Variants in KCNT2 observed in about 807,000 individuals in gnomAD.
KCNT2 encodes potassium channel subfamily T member 2.
In KCNT2, 67 loss-of-function variants were observed where a neutral mutation model predicts 153.8. The observed-to-expected ratio is 0.44, with a 90% confidence interval of 0.36 to 0.53. The LOEUF (loss-of-function observed/expected upper bound fraction) is 0.53. KCNT2 is among the 20% of genes least tolerant of loss of function. KCNT2 has a pLI of 0.00. For missense variants in KCNT2, 975 were observed against 1,354.8 expected (o/e 0.72, Z 4.40); for synonymous variants, 500 against 458.8 (o/e 1.09, Z -1.15).
At chr1:196,411,105 CCTT>C in intron 12 of KCNT2, among the ~76,000 whole-genome samples, 1 of 132,936 alleles carries the variant, frequency 7.5e-6, no homozygotes, top group African/African-American at 2.8e-5. Context: ...TTCCTTCCTT[CCTT>C]CCTTCCTTCC....
intron 1 of KCNT2, among the ~76,000 whole-genome samples, chr1:196,561,678 G>GAAAAAAAAA (rs1659427672): frequency 4.4e-5 from 2 of 45,474 alleles, no homozygotes; most frequent in Non-Finnish European, 1.1e-4. Flanking sequence ...AAAAAAAAAA[G>GAAAAAAAAA]AAGAAGAAGA....
intron 19 of KCNT2, among the ~76,000 whole-genome samples, chr1:196,321,947 A>C (rs1048632822): frequency 6.6e-6 from 1 of 151,992 alleles, no homozygotes. Flanking sequence ...ATAATAAAAC[A>C]ATTTTTTAAT....
At chr1:196,477,077 T>A (rs1678600746) in intron 5 of KCNT2, among the ~76,000 whole-genome samples, 1 of 152,166 alleles carries the variant, frequency 6.6e-6, no homozygotes, top group Non-Finnish European at 1.5e-5. Context: ...TCCACCTATA[T>A]TTTTTAAAGC....
intron 25 of KCNT2, among the ~76,000 whole-genome samples, chr1:196,266,228 T>C (rs1431686602): frequency 6.6e-6 from 1 of 152,134 alleles, no homozygotes; most frequent in Non-Finnish European, 1.5e-5. Flanking sequence ...GACGCACCCA[T>C]TGGCAAAAGT....
intron 12 of KCNT2, among the ~76,000 whole-genome samples, chr1:196,418,937 T>C (rs1672966919): frequency 6.6e-6 from 1 of 152,024 alleles, no homozygotes; most frequent in Admixed American, 6.6e-5. Flanking sequence ...GTGGCCTTCC[T>C]GAAGTTCTCC....
intron 1 of KCNT2, among the ~76,000 whole-genome samples, chr1:196,492,544 A>G (rs1679939050): frequency 6.6e-6 from 1 of 152,152 alleles, no homozygotes; most frequent in African/African-American, 2.4e-5. Context: ...GTACTGATTT[A>G]GAGAGAAGCA....
chr1:196,398,929 T>A (rs1306292819), intron 12 of KCNT2, among the ~76,000 whole-genome samples: 1 of 151,632 alleles, frequency 6.6e-6, no homozygotes, highest in Non-Finnish European at 1.5e-5. Flanking sequence ...TTAAAAATAA[T>A]TTTCCTAGAA....
intron 26 of KCNT2, among the ~76,000 whole-genome samples, chr1:196,242,194 G>T (rs112309552): frequency 0.011 from 1,635 of 152,136 alleles, 31 homozygotes; most frequent in African/African-American, 0.035. Context: ...TATACAGATT[G>T]TCTTCATAGT....
chr1:196,499,846 A>T lies in KCNT2; in HGVS notation c.96-7505T>A, dbSNP rs546278713. 7.2e-5 allele frequency among the ~76,000 whole-genome samples: 11 copies of T among 152,270 alleles called. No individual in the cohort carries two copies. The South Asian group carries it at 2.3e-3, about 32-fold the overall frequency. On this transcript the variant is annotated intron_variant, in intron 1 of 27. Transcript: ENST00000294725. ...TGAGTAACATAGATATCAACTTTAT[A>T]GAAAAAGAAACTTTGGGCCAGAAGT...
Position 196,229,519 on chromosome 1 carries a change from T to C in KCNT2, c.3297-1184A>G, listed in dbSNP as rs1470986890. 2.0e-5 allele frequency among the ~76,000 whole-genome samples: 3 copies of C among 152,090 alleles called. 1 individual carries two copies. Among genetic ancestry groups the C allele is most frequent in the Admixed American group, 2.0e-4 (3 of 15,254 alleles). ...ATTAGTTAATAACCCAAAAATGACT[T>C]GTAATTGTTTAAGTGAAAGGAAGAG... On this transcript the variant is annotated intron_variant, in intron 27 of 27. Coordinates refer to ENST00000294725, the MANE Select transcript of KCNT2 (RefSeq NM_198503.5).
At chr1:196,231,357 A>G (rs185837913) in intron 27 of KCNT2, among the ~76,000 whole-genome samples, 117 of 151,968 alleles carry the variant, frequency 7.7e-4, no homozygotes, top group Admixed American at 2.7e-3. Context: ...CAATCCTGCA[A>G]AATCTCTGAG....
chr1:196,385,882 A>T (rs929000666), intron 13 of KCNT2, among the ~76,000 whole-genome samples: 14 of 151,992 alleles, frequency 9.2e-5, no homozygotes, highest in African/African-American at 3.1e-4. Context: ...AATAACTCTT[A>T]CATGCTGGTA....
chr1:196,586,716 TA>T (rs926403733), intron 1 of KCNT2, among the ~76,000 whole-genome samples: 7 of 143,022 alleles, frequency 4.9e-5, no homozygotes, highest in East Asian at 1.9e-4. Context: ...TCAAGAGGAT[TA>T]AAAAAAACAA....
chr1:196,395,361 C>T (rs540038652), intron 13 of KCNT2, among the ~76,000 whole-genome samples: 16 of 151,624 alleles, frequency 1.1e-4, no homozygotes, highest in African/African-American at 3.4e-4. Flanking sequence ...CTCTTATAAA[C>T]TGTTTGTAAA....
intron 1 of KCNT2, among the ~76,000 whole-genome samples, chr1:196,517,348 A>G (rs958936741): frequency 6.6e-6 from 1 of 152,160 alleles, no homozygotes; most frequent in South Asian, 2.1e-4. Context: ...AACTTGAGCA[A>G]CTCAAGTGGG....
At chr1:196,259,369 A>G (rs1656802582) in intron 25 of KCNT2, among the ~76,000 whole-genome samples, 1 of 152,122 alleles carries the variant, frequency 6.6e-6, no homozygotes, top group Non-Finnish European at 1.5e-5. Context: ...GTTGCTTTTC[A>G]TACTAGGAAG....
chr1:196,505,823 G>T (rs545384202), intron 1 of KCNT2, among the ~76,000 whole-genome samples: 154 of 152,086 alleles, frequency 1.0e-3, no homozygotes, highest in Non-Finnish European at 1.2e-4. Flanking sequence ...TGGATTCCTA[G>T]GTATTTTATT....
At chr1:196,286,020 G>A (rs1441394574) in intron 22 of KCNT2, among the ~76,000 whole-genome samples, 1 of 151,698 alleles carries the variant, frequency 6.6e-6, no homozygotes, top group African/African-American at 2.4e-5. Context: ...CATACAAGAA[G>A]AGACATCATA....
intron 1 of KCNT2, among the ~76,000 whole-genome samples, chr1:196,528,973 TAAATAATGTGACTGA>T (rs1654597125): frequency 6.6e-6 from 1 of 151,660 alleles, no homozygotes; most frequent in Non-Finnish European, 1.5e-5. Flanking sequence ...AATCTTAAAA[TAAATAATGTGACTGA>T]ATAACTTTTT....
Sources: gnomAD v4.1 joint callset for allele counts (sites outside exome capture counted in the v4.1 genomes callset) on GRCh38, gnomAD v4.1.1 for gene constraint, MANE v1.5 for transcripts, NCBI Gene and HGNC (gene_info 2026-07-23, HGNC 2026-07-21) for gene names.